Variants in RFTN2 observed in about 807,000 individuals in gnomAD.
RFTN2 encodes raftlin-2.
Under a neutral mutation model 52.7 loss-of-function variants are expected in RFTN2, and 34 were observed. The observed-to-expected ratio is 0.64, with a 90% CI of 0.49 to 0.86. The LOEUF is 0.86. Among genes scored for constraint, RFTN2 ranks in the 40% least tolerant of loss-of-function variants. The probability of loss-of-function intolerance (pLI) is 0.00; values close to 1 mark genes in which losing one functional copy is unlikely to be tolerated. For synonymous variants in RFTN2, 203 were observed against 217.7 expected (o/e 0.93, Z 0.59); for missense variants, 536 against 600.1 (o/e 0.89, Z 1.12).
chr2:197,665,066 C>G (rs2089032501), intron 1 of RFTN2, among the ~76,000 whole-genome samples: 1 of 152,158 alleles, frequency 6.6e-6, no homozygotes, highest in Admixed American at 6.5e-5. Context: ...ACCTGGGTGA[C>G]TGGATCAGTT....
chr2:197,601,344 G>A (rs1174119660), intron 7 of RFTN2, among the ~76,000 whole-genome samples: 1 of 152,164 alleles, frequency 6.6e-6, no homozygotes, highest in Non-Finnish European at 1.5e-5. Context: ...AGATCTCTTG[G>A]ACTAAACTAA....
chr2:197,659,939 AT>A (rs1308603478), intron 1 of RFTN2, among the ~76,000 whole-genome samples: 2 of 152,354 alleles, frequency 1.3e-5, no homozygotes, highest in East Asian at 3.9e-4. Context: ...ACAAGTGCAT[AT>A]TTTGTGCGAG....
chr2:197,673,948 C>G (rs1016402608), intron 1 of RFTN2, among the ~76,000 whole-genome samples: 4 of 151,910 alleles, frequency 2.6e-5, no homozygotes, highest in Non-Finnish European at 1.5e-5. Flanking sequence ...TATGGATGTA[C>G]AGAAACGAGT....
intron 4 of RFTN2, among the ~76,000 whole-genome samples, chr2:197,633,284 G>A (rs1053286565): frequency 6.6e-6 from 1 of 151,954 alleles, no homozygotes; most frequent in African/African-American, 2.4e-5. Flanking sequence ...GATGATCAAA[G>A]AAAGCCAATT....
intron 1 of RFTN2, among the ~76,000 whole-genome samples, chr2:197,668,779 G>C (rs1392905152): frequency 6.6e-6 from 1 of 152,140 alleles, no homozygotes; most frequent in Non-Finnish European, 1.5e-5. Flanking sequence ...AAGTGTTTGG[G>C]ACCCAGTATG....
chr2:197,612,287 C>T (rs1379846386), intron 7 of RFTN2, among the ~76,000 whole-genome samples: 1 of 152,124 alleles, frequency 6.6e-6, no homozygotes, highest in East Asian at 1.9e-4. Flanking sequence ...CCCTCCCTTA[C>T]CCTCACTTTC....
intron 1 of RFTN2, among the ~76,000 whole-genome samples, chr2:197,671,411 C>G (rs1342110402): frequency 6.6e-6 from 1 of 152,184 alleles, no homozygotes; most frequent in East Asian, 1.9e-4. Flanking sequence ...ACACTATTTC[C>G]TCCACATGTA....
At chr2:197,664,784 CA>C (rs776521127) in intron 1 of RFTN2, among the ~76,000 whole-genome samples, 2 of 151,512 alleles carry the variant, frequency 1.3e-5, no homozygotes, top group Non-Finnish European at 1.5e-5. Context: ...GAACTTATCT[CA>C]AAAAAAAATT....
At chr2:197,626,703 C>A (rs1361472083) in intron 5 of RFTN2, among the ~76,000 whole-genome samples, 1 of 132,438 alleles carries the variant, frequency 7.6e-6, no homozygotes, top group Non-Finnish European at 1.5e-5. Flanking sequence ...CTCACTGCAA[C>A]CTCTGCCTCC....
chr2:197,625,717 T>TCCTCTCTTCTCCTCTCCTCTCCTCA (rs2088346796), intron 5 of RFTN2, among the ~76,000 whole-genome samples: 1 of 75,518 alleles, frequency 1.3e-5, no homozygotes, highest in African/African-American at 4.6e-5. Context: ...TCCTCTCCTC[T>TCCTCTCTTCTCCTCTCCTCTCCTCA]CCTCCCCTCC....
At position 197,626,614 on chromosome 2, in the gene RFTN2, CTTCTT is replaced by C. The variant is rs1305798567; in HGVS notation, c.928+4392_928+4396del. 5.4e-3 allele frequency among the ~76,000 whole-genome samples: 530 copies of C among 97,610 alleles called. 5 individuals are homozygous for C. Among genetic ancestry groups the C allele is most frequent in the Admixed American group, 0.011 (83 of 7,482 alleles). The allele number at this position is 97,610 out of a possible 152,430, so 64.0% of individuals were successfully genotyped here. On this transcript the variant is annotated intron_variant, in intron 5 of 8. Coordinates refer to ENST00000295049, the MANE Select transcript of RFTN2 (RefSeq NM_144629.3). ...AGTTAAAATAAAAAAAAGGAATAATCTTCTTTTTTTTTTTTTTTTTTTTTTGAGAC... is the reference window on the plus strand; with the variant it reads ...AGTTAAAATAAAAAAAAGGAATAATCTTTTTTTTTTTTTTTTTTTTGAGAC...
At chr2:197,603,640 G>A (rs993104204) in intron 7 of RFTN2, among the ~76,000 whole-genome samples, 2 of 152,208 alleles carry the variant, frequency 1.3e-5, no homozygotes, top group African/African-American at 4.8e-5. Context: ...TTTAGGCCGG[G>A]TGTGGTGGCT....
intron 8 of RFTN2, among the ~76,000 whole-genome samples, chr2:197,582,684 T>C (rs116673730): frequency 0.014 from 2,191 of 152,280 alleles, 49 homozygotes; most frequent in African/African-American, 0.05. Flanking sequence ...CACACCACCA[T>C]GCTGTTATAT....
At chr2:197,647,418 C>T (rs1282455223) in intron 1 of RFTN2, among the ~76,000 whole-genome samples, 2 of 152,052 alleles carry the variant, frequency 1.3e-5, no homozygotes, top group African/African-American at 4.8e-5. Flanking sequence ...CCATGTTGCC[C>T]AGGCTGATCT....
intron 8 of RFTN2, among the ~76,000 whole-genome samples, chr2:197,577,392 T>C (rs987822073): frequency 6.6e-6 from 1 of 152,268 alleles, no homozygotes; most frequent in Non-Finnish European, 1.5e-5. Context: ...ACGTTTTCCA[T>C]TGGCACCCTT....
intron 3 of RFTN2, among the ~76,000 whole-genome samples, chr2:197,635,327 G>A (rs1009373793): frequency 2.0e-5 from 3 of 152,132 alleles, no homozygotes; most frequent in African/African-American, 4.8e-5. Context: ...CTTCCACAAC[G>A]GTTGAACTAG....
rs867569043 is a variant in RFTN2 at position 197,635,097 on chromosome 2, T to C, written c.439-1100A>G. ...TTTTTTATGGCTGCATAGTATTCCA[T>C]GGTGTATATGTGCCACATTTTCTTA... On this transcript the variant is annotated intron_variant, in intron 3 of 8. Transcript: ENST00000295049. 8.5e-5 allele frequency among the ~76,000 whole-genome samples: 13 copies of C among 152,260 alleles called. 3 individuals carry two copies. Among genetic ancestry groups the C allele is most frequent in the African/African-American group, 2.9e-4 (12 of 41,532 alleles).
intron 3 of RFTN2, among the ~76,000 whole-genome samples, chr2:197,640,159 A>G (rs1275440147): frequency 6.6e-6 from 1 of 152,228 alleles, no homozygotes; most frequent in Non-Finnish European, 1.5e-5. Flanking sequence ...AGACAAGGAC[A>G]TTTAAGTCTG....
chr2:197,619,855 A>G (rs2088231006), intron 5 of RFTN2, among the ~76,000 whole-genome samples: 1 of 150,772 alleles, frequency 6.6e-6, no homozygotes, highest in African/African-American at 2.4e-5. Flanking sequence ...TTTCTCCCCA[A>G]AGAGCAACAC....
Sources: gnomAD v4.1 joint callset for allele counts (sites outside exome capture counted in the v4.1 genomes callset) on GRCh38, gnomAD v4.1.1 for gene constraint, MANE v1.5 for transcripts, NCBI Gene and HGNC (gene_info 2026-07-23, HGNC 2026-07-21) for gene names.